PIAS2: variants seen among roughly 807,000 people sequenced by gnomAD.
PIAS2 encodes protein inhibitor of activated STAT 2, also known as E3 SUMO-protein ligase PIAS2.
A neutral mutation model predicts 69.7 loss-of-function variants in PIAS2; 19 were observed. The ratio of observed to expected loss-of-function variants is 0.27; its 90% CI spans 0.19 to 0.40. The LOEUF (loss-of-function observed/expected upper bound fraction) is 0.40. Among genes scored for constraint, PIAS2 ranks in the 10% least tolerant of loss-of-function variants. The pLI is 1.00. For synonymous variants in PIAS2, 261 were observed against 263.2 expected, an observed-to-expected ratio of 0.99 and a Z score of 0.08; for missense variants, 624 against 757.0, an observed-to-expected ratio of 0.82 and a Z score of 2.06.
chr18:46,879,979 A>G (rs1241478742), intron 2 of PIAS2, among the ~76,000 whole-genome samples: 1 of 152,130 alleles, frequency 6.6e-6, no homozygotes, highest in African/African-American at 2.4e-5. Context: ...TCAGTTTTGC[A>G]AGATGAAAAG....
At chr18:46,873,798 G>T (rs1738016949) in intron 2 of PIAS2, among the ~76,000 whole-genome samples, 1 of 152,174 alleles carries the variant, frequency 6.6e-6, no homozygotes. Context: ...TCTTTTGAAA[G>T]CCGAGGGAAT....
chr18:46,889,261 T>C (rs972024171), intron 2 of PIAS2, among the ~76,000 whole-genome samples: 4 of 152,142 alleles, frequency 2.6e-5, no homozygotes, highest in African/African-American at 9.7e-5. Context: ...AATGTTAAGT[T>C]GTACATCAAA....
chr18:46,828,211 G>GTA (rs1377709001), intron 10 of PIAS2, 81 bp from the exon 11 acceptor site: 1 of 1,232,362 alleles, frequency 8.1e-7, no homozygotes, highest in African/African-American at 1.5e-5. Context: ...AGTATATTCA[G>GTA]TATAGTATGT....
intron 1 of PIAS2, chr18:46,906,458 A>C (rs2056606322): frequency 6.6e-6 from 1 of 152,152 alleles, no homozygotes; most frequent in Non-Finnish European, 1.5e-5. Flanking sequence ...ATTAATCACA[A>C]TTAGGAGTAT....
intron 1 of PIAS2, chr18:46,900,916 G>T (rs759873207): frequency 1.1e-5 from 3 of 272,252 alleles, no homozygotes; most frequent in South Asian, 9.5e-5. Context: ...GGAGGTTGCG[G>T]TGAGCCGACG....
intron 8 of PIAS2, among the ~76,000 whole-genome samples, chr18:46,840,290 T>C (rs1378628738): frequency 2.0e-5 from 3 of 152,212 alleles, no homozygotes; most frequent in African/African-American, 7.2e-5. Flanking sequence ...CAAGCACACA[T>C]TCCATTAGCC....
chr18:46,919,072 C>T (rs1013121401), upstream of PIAS2, among the ~76,000 whole-genome samples: 12 of 150,776 alleles, frequency 8.0e-5, no homozygotes, highest in African/African-American at 1.7e-4. Context: ...TTGTTTTGGC[C>T]AGGTGCAGTG....
intron 9 of PIAS2, among the ~76,000 whole-genome samples, chr18:46,831,268 A>C (rs1599477595): frequency 6.6e-6 from 1 of 152,220 alleles, no homozygotes; most frequent in South Asian, 2.1e-4. Flanking sequence ...TAATCACAAA[A>C]ATTTTTTAAA....
Position 46,808,696 on chromosome 18 carries a change from A to G in PIAS2, c.*3737T>C, listed in dbSNP as rs189082598. The stretch of plus-strand genomic sequence containing the variant: ...ATGGTGCACTGCTCTACATTTTTCT[A>G]TTATGCAAAGAGCTAGAAAATAATG... On this transcript the variant is annotated 3_prime_UTR_variant, in exon 14 of 14. Coordinates refer to ENST00000585916, the MANE Select transcript of PIAS2 (RefSeq NM_004671.5). 2 of 152,276 alleles carry G rather than the reference A, an allele frequency of 1.3e-5. No individual in the cohort carries two copies. The highest frequency in any genetic ancestry group is 4.8e-5 in the African/African-American group (2 of 41,550). 9.4% of individuals were successfully genotyped at this position (152,276 alleles called of 1,614,324 possible). A position where few individuals can be genotyped will look rare whatever the true frequency, so the allele number is the denominator to read the frequency against.
chr18:46,914,032 T>C (rs2057539802), intron 1 of PIAS2, among the ~76,000 whole-genome samples: 1 of 152,226 alleles, frequency 6.6e-6, no homozygotes, highest in Non-Finnish European at 1.5e-5. Flanking sequence ...TCTTATGATC[T>C]TGTCCCACAT....
At chr18:46,850,384 C>T (rs555916482) in intron 5 of PIAS2, among the ~76,000 whole-genome samples, 1 of 152,154 alleles carries the variant, frequency 6.6e-6, no homozygotes, top group Non-Finnish European at 1.5e-5. Context: ...TCCAAACACA[C>T]ACACTTTTTC....
Position 46,838,305 on chromosome 18 carries a change from A to C in PIAS2, c.1042-1788T>G, listed in dbSNP as rs142691829. On this transcript the variant is annotated intron_variant, in intron 8 of 13. Transcript: ENST00000585916. Reference sequence around the variant, plus strand: ...ACACTTTCACAATTACATAACAATTATACTAAAAGGATGGTATTATTACCA... The same window carrying C: ...ACACTTTCACAATTACATAACAATTCTACTAAAAGGATGGTATTATTACCA... Among the ~76,000 whole-genome samples, 5 of 152,342 alleles carry C rather than the reference A, an allele frequency of 3.3e-5. No homozygotes were observed. In the East Asian group the frequency reaches 9.6e-4, roughly 29 times the overall value.
At chr18:46,861,040 G>A (rs1424008419) in intron 3 of PIAS2, among the ~76,000 whole-genome samples, 2 of 152,000 alleles carry the variant, frequency 1.3e-5, no homozygotes, top group African/African-American at 4.8e-5. Context: ...AACACTTTGG[G>A]AGGCCGAGGC....
chr18:46,901,225 C>G (rs1199231969), intron 1 of PIAS2: 1 of 386,742 alleles, frequency 2.6e-6, no homozygotes, highest in South Asian at 2.0e-5. Context: ...CGAGGCCAGC[C>G]TGACCAACAT....
intron 9 of PIAS2, among the ~76,000 whole-genome samples, chr18:46,834,501 C>T (rs180884134): frequency 2.1e-4 from 32 of 152,068 alleles, no homozygotes; most frequent in Non-Finnish European, 1.5e-5. Context: ...ATTATAATGA[C>T]CAATATATGG....
Position 46,844,736 on chromosome 18 carries a change from A to T in PIAS2, c.965T>A (p.Leu322Gln). Residue 322 changes from leucine (L) to glutamine (Q), a missense_variant and splice_region_variant, in exon 7 of 14, where the codon CTA becomes CAA. Leu to Gln is a moderately radical substitution (Grantham distance 113). Transcript: ENST00000585916. ...TGGTCTTATTAAACATTACTTACTTAGTGCTCTGGAATGATCAGGGTTTCT... is the reference window on the plus strand; with the variant it reads ...TGGTCTTATTAAACATTACTTACTTTGTGCTCTGGAATGATCAGGGTTTCT... The part of the protein sequence containing the change: ...GIRNPDHSRA[L>Q]IKEKLTADPD... 3 of 1,199,760 alleles carry T rather than the reference A, an allele frequency of 2.5e-6. No individual in the cohort carries two copies. Among genetic ancestry groups the T allele is most frequent in the Non-Finnish European group, 3.4e-6 (3 of 885,860 alleles). The allele number at this position is 1,199,760 out of a possible 1,614,324, so 74.3% of individuals were successfully genotyped here.
rs1036746112 is a variant in PIAS2, at chr18:46,806,714, C to T, written c.*5719G>A. ...AGCTGCCTGATGTCTGGAACCAAAA[C>T]TTCTGTAACACTCTATTCCACGTGT... On this transcript the variant is annotated 3_prime_UTR_variant, in exon 14 of 14. Transcript: ENST00000585916. 6.6e-6 allele frequency: 1 copy of T among 152,144 alleles called. No individual in the cohort carries two copies. The highest frequency in any genetic ancestry group is 1.5e-5 in the Non-Finnish European group (1 of 68,034). 9.4% of individuals were successfully genotyped at this position (152,144 alleles called of 1,614,324 possible).
upstream of PIAS2, chr18:46,917,548 G>A: frequency 3.5e-6 from 4 of 1,128,484 alleles, no homozygotes; most frequent in Non-Finnish European, 4.3e-6. Flanking sequence ...CCGAAGCCCC[G>A]CCCCTAGCGG....
chr18:46,863,188 C>T (rs542616473), intron 3 of PIAS2, among the ~76,000 whole-genome samples: 28 of 152,070 alleles, frequency 1.8e-4, no homozygotes, highest in Non-Finnish European at 3.1e-4. Context: ...ATAACTACCT[C>T]AGTTTATGTT....
Sources: gnomAD v4.1 joint callset for allele counts (sites outside exome capture counted in the v4.1 genomes callset) on GRCh38, gnomAD v4.1.1 for gene constraint, MANE v1.5 for transcripts, NCBI Gene and HGNC (gene_info 2026-07-23, HGNC 2026-07-21) for gene names.